Variants in MDGA2 observed in about 807,000 individuals in gnomAD.
MDGA2 encodes the protein MAM domain containing glycosylphosphatidylinositol anchor 2.
In MDGA2, 40 loss-of-function variants were observed where a neutral mutation model predicts 117.8. The ratio of observed to expected loss-of-function variants is 0.34; its 90% CI spans 0.26 to 0.44. MDGA2 has a LOEUF of 0.44. Ranked by LOEUF, MDGA2 falls within the 20% of genes least tolerant of loss-of-function variation. The pLI is 1.00. For missense variants in MDGA2, 1,123 were observed against 1,250.6 expected, an observed-to-expected ratio of 0.90 and a Z score of 1.54; for synonymous variants, 452 against 439.0, an observed-to-expected ratio of 1.03 and a Z score of -0.37.
At chr14:47,394,904 G>A (rs554222855) in intron 1 of MDGA2, among the ~76,000 whole-genome samples, 1 of 152,126 alleles carries the variant, frequency 6.6e-6, no homozygotes, top group Non-Finnish European at 1.5e-5. Flanking sequence ...TGTAATCCCA[G>A]CAATCTGGGA....
At chr14:47,366,227 G>C (rs947900925) in intron 1 of MDGA2, among the ~76,000 whole-genome samples, 3 of 152,096 alleles carry the variant, frequency 2.0e-5, no homozygotes, top group Admixed American at 6.6e-5. Context: ...GAAGGCTATT[G>C]GAAGAGTGCT....
intron 1 of MDGA2, among the ~76,000 whole-genome samples, chr14:47,329,607 TTC>T (rs1016184883): frequency 2.0e-5 from 3 of 152,070 alleles, no homozygotes; most frequent in African/African-American, 7.2e-5. Flanking sequence ...ATTTAATAAA[TTC>T]TTTTTTTCTT....
chr14:47,366,195 TTTG>T (rs1891227778), intron 1 of MDGA2, among the ~76,000 whole-genome samples: 2 of 152,216 alleles, frequency 1.3e-5, no homozygotes, highest in African/African-American at 4.8e-5. Context: ...GCTTTGGACT[TTTG>T]TTGTTGGAGG....
intron 1 of MDGA2, among the ~76,000 whole-genome samples, chr14:47,359,062 A>T (rs965649177): frequency 6.6e-6 from 1 of 152,206 alleles, no homozygotes; most frequent in Non-Finnish European, 1.5e-5. Context: ...CCTAATTTTA[A>T]ATTATATTAC....
chr14:47,531,059 C>T (rs1172065334), intron 1 of MDGA2, among the ~76,000 whole-genome samples: 2 of 152,074 alleles, frequency 1.3e-5, no homozygotes, highest in Non-Finnish European at 2.9e-5. Context: ...TCCTGGCTAA[C>T]ACGATGAAAC....
In MDGA2 at chr14:47,275,484, C is replaced by G. The variant is rs142530291; in HGVS notation, c.420+25927G>C. Among the ~76,000 whole-genome samples the G allele has an allele frequency of 8.2e-3, 1,242 of 152,028 alleles. 18 individuals carry two copies. The highest frequency in any genetic ancestry group is 0.028 in the African/African-American group (1,161 of 41,476). ...ATATTTCTTTAAATAATTAAAATAA[C>G]AATTACACAATTAAAATATTTATGC... On this transcript the variant is annotated intron_variant, in intron 2 of 16. Coordinates refer to ENST00000399232, the MANE Select transcript of MDGA2 (RefSeq NM_001113498.3).
chr14:47,649,778 G>A (rs1460871288), intron 1 of MDGA2, among the ~76,000 whole-genome samples: 1 of 152,050 alleles, frequency 6.6e-6, no homozygotes, highest in Non-Finnish European at 1.5e-5. Context: ...AATATGTAAT[G>A]CTATAGGAGA....
chr14:47,094,828 T>G (rs1879869597), intron 6 of MDGA2, among the ~76,000 whole-genome samples: 1 of 151,934 alleles, frequency 6.6e-6, no homozygotes, highest in Non-Finnish European at 1.5e-5. Context: ...AAACACCGAT[T>G]ACAATACAAT....
chr14:46,896,108 T>G (rs1489241535), intron 10 of MDGA2, among the ~76,000 whole-genome samples: 1 of 152,214 alleles, frequency 6.6e-6, no homozygotes, highest in East Asian at 1.9e-4. Context: ...TAAGTTTTGT[T>G]AGGCTATTTT....
chr14:47,466,709 C>T (rs1452785935), intron 1 of MDGA2, among the ~76,000 whole-genome samples: 1 of 152,050 alleles, frequency 6.6e-6, no homozygotes, highest in Non-Finnish European at 1.5e-5. Flanking sequence ...CTACAAAATC[C>T]TCCTCTGAAA....
intron 1 of MDGA2, among the ~76,000 whole-genome samples, chr14:47,323,078 G>A (rs1566738323): frequency 7.0e-6 from 1 of 143,500 alleles, no homozygotes; most frequent in Non-Finnish European, 1.5e-5. Context: ...CCATTTTAAA[G>A]ACTAACCACC....
rs371578057 is a variant in MDGA2 at position 47,624,260 on chromosome 14, C to T, written c.280+50257G>A. On this transcript the variant is annotated intron_variant, in intron 1 of 16. Transcript: ENST00000399232. ...ATCACCTGAGGTCAGGAGTTCAAGA[C>T]CAGCATGGCCAACACAGTGAAATCC... Among the ~76,000 whole-genome samples, 17 of 152,240 alleles carry T rather than the reference C, an allele frequency of 1.1e-4. No individual in the cohort carries two copies. In the South Asian group the frequency reaches 2.3e-3, roughly 20 times the overall value.
chr14:46,922,687 T>C (rs1400558830), intron 9 of MDGA2, among the ~76,000 whole-genome samples: 1 of 152,190 alleles, frequency 6.6e-6, no homozygotes, highest in Non-Finnish European at 1.5e-5. Flanking sequence ...CAATTTGGAA[T>C]GCTTTAAAGA....
intron 7 of MDGA2, among the ~76,000 whole-genome samples, chr14:47,047,633 T>C (rs1201417078): frequency 6.6e-6 from 1 of 152,016 alleles, no homozygotes; most frequent in Non-Finnish European, 1.5e-5. Flanking sequence ...TAGTAAACAC[T>C]CCATATATTA....
intron 1 of MDGA2, among the ~76,000 whole-genome samples, chr14:47,611,759 G>A (rs981666749): frequency 2.6e-5 from 4 of 152,116 alleles, no homozygotes; most frequent in African/African-American, 7.2e-5. Flanking sequence ...TAAGTGCTTG[G>A]AAAGCCACAT....
intron 8 of MDGA2, among the ~76,000 whole-genome samples, chr14:46,960,813 CAT>C (rs1002899490): frequency 3.4e-5 from 5 of 148,338 alleles, no homozygotes; most frequent in Non-Finnish European, 7.4e-5. Context: ...TATGTATACA[CAT>C]ATACATATGT....
intron 1 of MDGA2, among the ~76,000 whole-genome samples, chr14:47,365,920 T>G (rs946438040): frequency 6.6e-6 from 1 of 152,242 alleles, no homozygotes; most frequent in Non-Finnish European, 1.5e-5. Flanking sequence ...CTTCTAACTC[T>G]TTCGTCATTT....
intron 1 of MDGA2, among the ~76,000 whole-genome samples, chr14:47,311,650 TA>T (rs1889638632): frequency 6.6e-6 from 1 of 152,158 alleles, no homozygotes; most frequent in Non-Finnish European, 1.5e-5. Flanking sequence ...TCATGGACTG[TA>T]AACTTAGTAA....
intron 6 of MDGA2, among the ~76,000 whole-genome samples, chr14:47,073,335 T>C (rs534041582): frequency 1.3e-5 from 2 of 152,318 alleles, no homozygotes; most frequent in East Asian, 1.9e-4. Context: ...GGTTCTAATA[T>C]GATTTCATCA....
Sources: gnomAD v4.1 joint callset for allele counts (sites outside exome capture counted in the v4.1 genomes callset) on GRCh38, gnomAD v4.1.1 for gene constraint, MANE v1.5 for transcripts, NCBI Gene and HGNC (gene_info 2026-07-23, HGNC 2026-07-21) for gene names.